BNC2: variants seen among roughly 807,000 people sequenced by gnomAD.
BNC2 encodes the protein basonuclin zinc finger protein 2, also known as zinc finger protein basonuclin-2.
In BNC2, 20 loss-of-function variants were observed where a neutral mutation model predicts 76.3. The ratio of observed to expected loss-of-function variants is 0.26; its 90% CI spans 0.18 to 0.38. BNC2 has a LOEUF of 0.38. Among genes scored for constraint, BNC2 ranks in the 10% least tolerant of loss-of-function variants. The pLI, the probability that BNC2 is intolerant of heterozygous loss-of-function variation, is 1.00. For missense variants in BNC2, 1,382 were observed against 1,399.8 expected, an observed-to-expected ratio of 0.99 and a Z score of 0.20; for synonymous variants, 582 against 514.8, an observed-to-expected ratio of 1.13 and a Z score of -1.77.
chr9:16,815,206 G>C (rs1279577378), intron 1 of BNC2, among the ~76,000 whole-genome samples: 1 of 152,156 alleles, frequency 6.6e-6, no homozygotes, highest in Non-Finnish European at 1.5e-5. Flanking sequence ...GCATTGTGTT[G>C]AAAGAACAGC....
intron 1 of BNC2, among the ~76,000 whole-genome samples, chr9:16,829,637 T>C (rs1265019497): frequency 6.6e-6 from 1 of 152,208 alleles, no homozygotes; most frequent in Non-Finnish European, 1.5e-5. Context: ...CTATGCCCAG[T>C]GCTAACATTC....
chr9:16,710,792 G>T (rs916569138), intron 3 of BNC2, among the ~76,000 whole-genome samples: 11 of 151,714 alleles, frequency 7.3e-5, no homozygotes, highest in Non-Finnish European at 1.5e-4. Flanking sequence ...GTACATTTGT[G>T]ACTTGTCAGT....
At chr9:16,609,576 C>T (rs1029431685) in intron 3 of BNC2, among the ~76,000 whole-genome samples, 8 of 152,192 alleles carry the variant, frequency 5.3e-5, no homozygotes, top group African/African-American at 1.9e-4. Flanking sequence ...ATCTCCTATG[C>T]TTCCTTATGT....
intron 4 of BNC2, among the ~76,000 whole-genome samples, chr9:16,556,130 T>C (rs1288301857): frequency 6.6e-6 from 1 of 151,948 alleles, no homozygotes; most frequent in Non-Finnish European, 1.5e-5. Flanking sequence ...TGAAACCCTG[T>C]CTCTACAAAA....
At chr9:16,788,650 G>A (rs906776411) in intron 1 of BNC2, among the ~76,000 whole-genome samples, 4 of 151,824 alleles carry the variant, frequency 2.6e-5, no homozygotes, top group African/African-American at 9.7e-5. Flanking sequence ...GCAAATTCTT[G>A]GTGGTGATAT....
chr9:16,488,623 A>C (rs902944593), intron 5 of BNC2, among the ~76,000 whole-genome samples: 1 of 152,232 alleles, frequency 6.6e-6, no homozygotes, highest in African/African-American at 2.4e-5. Flanking sequence ...ATGACAGATT[A>C]AGTACTGCCT....
chr9:16,529,845 G>T (rs186177374), intron 5 of BNC2, among the ~76,000 whole-genome samples: 161 of 152,084 alleles, frequency 1.1e-3, no homozygotes, highest in African/African-American at 3.6e-3. Flanking sequence ...TGAGGTTTTA[G>T]TTTTATTTTT....
intron 5 of BNC2, among the ~76,000 whole-genome samples, chr9:16,523,068 C>T (rs1817670093): frequency 1.3e-5 from 2 of 152,154 alleles, no homozygotes; most frequent in African/African-American, 2.4e-5. Context: ...GGAAGCAGAA[C>T]TGGTGAGAGA....
intron 1 of BNC2, among the ~76,000 whole-genome samples, chr9:16,779,540 T>C (rs1181064708): frequency 1.3e-5 from 2 of 152,216 alleles, no homozygotes; most frequent in Admixed American, 6.5e-5. Context: ...ACCTTCATTT[T>C]TGCCTTTATA....
intron 1 of BNC2, among the ~76,000 whole-genome samples, chr9:16,771,536 C>T (rs959288769): frequency 3.3e-5 from 5 of 152,126 alleles, no homozygotes; most frequent in African/African-American, 1.2e-4. Flanking sequence ...GAGTATGTGT[C>T]ACAGTTGGCT....
rs532219673 is a variant in BNC2 at position 16,775,584 on chromosome 9, C to G, written c.4-37099G>C. The G allele has an allele frequency of 5.7e-4, 96 of 167,276 alleles. 1 individual carries two copies. The highest frequency in any genetic ancestry group is 1.6e-4 in the Non-Finnish European group (12 of 73,766). 10.4% of individuals were successfully genotyped at this position (167,276 alleles called of 1,614,324 possible). A position where few individuals can be genotyped will look rare whatever the true frequency, so the allele number is the denominator to read the frequency against. On this transcript the variant is annotated intron_variant, in intron 1 of 6. Transcript: ENST00000380672. The stretch of plus-strand genomic sequence containing the variant: ...TCTGAGCAGAGGACTTAATACTCAT[C>G]AAGAGTATCTGCTCAAGGAATGGAA...
intron 2 of BNC2, among the ~76,000 whole-genome samples, chr9:16,731,354 G>A (rs1287133412): frequency 1.3e-5 from 2 of 152,178 alleles, no homozygotes; most frequent in Non-Finnish European, 2.9e-5. Flanking sequence ...TTTACTGATA[G>A]TGAGAGATGG....
chr9:16,686,242 TA>T (rs546035633), intron 3 of BNC2, among the ~76,000 whole-genome samples: 24 of 152,166 alleles, frequency 1.6e-4, no homozygotes, highest in South Asian at 8.3e-4. Flanking sequence ...GTCCTAATAA[TA>T]AAAAAACAAG....
Position 16,717,216 on chromosome 9 carries a change from G to C in BNC2, c.330+10581C>G, listed in dbSNP as rs548100189. Reference sequence around the variant, plus strand: ...ACCATTTCTTACGATGCATCTGAAAGATATGATCTTATAGGATGACCTGCA... The same window carrying C: ...ACCATTTCTTACGATGCATCTGAAACATATGATCTTATAGGATGACCTGCA... On this transcript the variant is annotated intron_variant, in intron 3 of 6. Coordinates refer to ENST00000380672, the MANE Select transcript of BNC2 (RefSeq NM_017637.6). Among the ~76,000 whole-genome samples the C allele has an allele frequency of 2.6e-5, 4 of 152,248 alleles. No individual in the cohort carries two copies. In the South Asian group the frequency reaches 8.3e-4, roughly 32 times the overall value.
intron 4 of BNC2, among the ~76,000 whole-genome samples, chr9:16,563,188 C>A (rs1014197223): frequency 2.6e-5 from 4 of 152,020 alleles, no homozygotes; most frequent in Non-Finnish European, 5.9e-5. Flanking sequence ...AAGTCTGCAA[C>A]AGTAAGATAA....
At chr9:16,569,233 T>C (rs936108349) in intron 4 of BNC2, among the ~76,000 whole-genome samples, 1 of 152,032 alleles carries the variant, frequency 6.6e-6, no homozygotes, top group Admixed American at 6.6e-5. Flanking sequence ...GGCCCTTGAT[T>C]TTTTTTCTCA....
Position 16,412,717 on chromosome 9 carries a change from A to AGGGGAGAGAGAG in BNC2, c.*6260_*6271dup, listed in dbSNP as rs1820489916. On this transcript the variant is annotated 3_prime_UTR_variant, in exon 7 of 7. Coordinates refer to ENST00000380672, the MANE Select transcript of BNC2 (RefSeq NM_017637.6). The stretch of plus-strand genomic sequence containing the variant: ...GAGAATAAGAGGGAAGGAGAGAGAG[A>AGGGGAGAGAGAG]GGGGAGAGAGAGAGAGAGAGAGAGA... The AGGGGAGAGAGAG allele has an allele frequency of 1.9e-5, 2 of 108,084 alleles. No individual in the cohort carries two copies. The highest frequency in any genetic ancestry group is 2.1e-5 in the Non-Finnish European group (1 of 48,722). The allele number at this position is 108,084 out of a possible 1,614,324, so 6.7% of individuals were successfully genotyped here.
At chr9:16,636,442 A>G (rs936418089) in intron 3 of BNC2, among the ~76,000 whole-genome samples, 2 of 152,086 alleles carry the variant, frequency 1.3e-5, no homozygotes, top group Non-Finnish European at 2.9e-5. Context: ...AGCTGGGACT[A>G]TAAGAGCAGG....
At chr9:16,715,805 G>A (rs189872068) in intron 3 of BNC2, among the ~76,000 whole-genome samples, 1 of 151,980 alleles carries the variant, frequency 6.6e-6, no homozygotes, top group Non-Finnish European at 1.5e-5. Context: ...GGCCCTTTTA[G>A]ACAACTACTA....
Sources: gnomAD v4.1 joint callset for allele counts (sites outside exome capture counted in the v4.1 genomes callset) on GRCh38, gnomAD v4.1.1 for gene constraint, MANE v1.5 for transcripts, NCBI Gene and HGNC (gene_info 2026-07-23, HGNC 2026-07-21) for gene names.